The following PCDHGA1 variants were observed in gnomAD, a reference collection of about 807,000 sequenced individuals.
The protein encoded by PCDHGA1 is protocadherin gamma subfamily A, 1, also known as protocadherin gamma-A1.
Under a neutral mutation model 58.0 loss-of-function variants are expected in PCDHGA1, and 32 were observed. That is an observed-to-expected ratio of 0.55 (90% CI 0.42 to 0.74). The LOEUF (loss-of-function observed/expected upper bound fraction) is 0.74. PCDHGA1 is among the 30% of genes least tolerant of loss of function. The probability of loss-of-function intolerance (pLI) is 0.00; values close to 1 mark genes in which losing one functional copy is unlikely to be tolerated. For synonymous variants in PCDHGA1, 498 were observed against 501.1 expected, an observed-to-expected ratio of 0.99 and a Z score of 0.08; for missense variants, 1,205 against 1,182.3, an observed-to-expected ratio of 1.02 and a Z score of -0.28.
chr5:141,405,459 A>T, intron 1 of PCDHGA1: 2 of 1,229,452 alleles, frequency 1.6e-6, no homozygotes, highest in Non-Finnish European at 2.3e-6. Flanking sequence ...TTACTCTGTT[A>T]CCCAGGCTGG....
chr5:141,510,553 A>C (rs1471878583), intron 3 of PCDHGA1, among the ~76,000 whole-genome samples: 1 of 152,162 alleles, frequency 6.6e-6, no homozygotes, highest in African/African-American at 2.4e-5. Context: ...TGTTTTGAGC[A>C]CTTACATCTA....
chr5:141,433,742 C>G (rs927651405), intron 1 of PCDHGA1, among the ~76,000 whole-genome samples: 1 of 150,826 alleles, frequency 6.6e-6, no homozygotes, highest in Non-Finnish European at 1.5e-5. Flanking sequence ...GAGGCTGAGT[C>G]AGGAGAATTG....
At chr5:141,442,848 T>C (rs1210778801) in intron 1 of PCDHGA1, among the ~76,000 whole-genome samples, 2 of 152,236 alleles carry the variant, frequency 1.3e-5, no homozygotes, top group Non-Finnish European at 2.9e-5. Context: ...ATCTTGGCCA[T>C]TGTAGTATGA....
Position 141,432,076 on chromosome 5 carries a change from G to T in PCDHGA1, c.2422-62731G>T. ...CCCTATCCACGGAAACTCATATCTC[G>T]CTGAACGTGGCAGACACCAACGACA... On this transcript the variant is annotated intron_variant, in intron 1 of 3. Transcript: ENST00000517417. This position sits in a 1 kb window ranked among gnomAD's most constrained non-coding sequence, Gnocchi z 6.0. 1.2e-6 allele frequency: 2 copies of T among 1,614,160 alleles called. No homozygotes were observed. Among genetic ancestry groups the T allele is most frequent in the Non-Finnish European group, 1.7e-6 (2 of 1,180,024 alleles).
intron 1 of PCDHGA1, among the ~76,000 whole-genome samples, chr5:141,348,033 C>CA (rs1758053454): frequency 1.3e-5 from 2 of 152,316 alleles, no homozygotes; most frequent in East Asian, 3.9e-4. Flanking sequence ...TCTCTTCCAA[C>CA]AATGGAATAG....
chr5:141,352,431 A>G (rs1158793043), intron 1 of PCDHGA1: 1 of 1,613,890 alleles, frequency 6.2e-7, no homozygotes, highest in African/African-American at 1.3e-5. Context: ...GGCTGCTTTC[A>G]AACCGGTCTC....
intron 1 of PCDHGA1, chr5:141,410,428 C>A (rs376561050): frequency 5.0e-6 from 8 of 1,613,906 alleles, no homozygotes; most frequent in African/African-American, 1.3e-5. Flanking sequence ...TTCCCCCCAA[C>A]TACAGTGAGG....
chr5:141,355,498 C>T, intron 1 of PCDHGA1: 2 of 1,614,024 alleles, frequency 1.2e-6, no homozygotes, highest in Middle Eastern at 1.6e-4. Context: ...CGACAGATCT[C>T]CAAACTGTGT....
chr5:141,416,109 A>C (rs1365438751), intron 1 of PCDHGA1: 5 of 157,286 alleles, frequency 3.2e-5, no homozygotes, highest in African/African-American at 1.2e-4. Context: ...GCCTTTTTCA[A>C]ACTACATTTT....
rs757065593 is a variant in PCDHGA1, at chr5:141,418,576, C to G, written c.2422-76231C>G. 1.5e-5 allele frequency: 25 copies of G among 1,614,012 alleles called. No homozygotes were observed. In the South Asian group the frequency reaches 2.7e-4, roughly 18 times the overall value. On this transcript the variant is annotated intron_variant, in intron 1 of 3. Transcript: ENST00000517417. ...TGGTAATAGATGCCAATGACAACCCCCCAGTGTTCAGCCAGGACGTGTACA... is the reference window on the plus strand; with the variant it reads ...TGGTAATAGATGCCAATGACAACCCGCCAGTGTTCAGCCAGGACGTGTACA...
In PCDHGA1 at chr5:141,330,671, G is replaced by T. The variant is rs1432513175; in HGVS notation, c.-14G>T. The T allele has an allele frequency of 6.3e-7, 1 of 1,589,216 alleles. No homozygotes were observed. ...TGGTACTGGACTGGAAGAAAACTAC[G>T]AAGTGAGAGAGCCATGAAGATTCAG... On this transcript the variant is annotated 5_prime_UTR_variant, in exon 1 of 4. Transcript: ENST00000517417.
At chr5:141,478,339 C>A in intron 1 of PCDHGA1, 1 of 1,613,918 alleles carries the variant, frequency 6.2e-7, no homozygotes, top group Admixed American at 1.7e-5. Flanking sequence ...CAGGGCCCTC[C>A]TTGCACGCGG....
rs1373988780 is a variant in PCDHGA1, at chr5:141,404,040, G to A, written c.2421+70935G>A. 1.9e-5 allele frequency: 30 copies of A among 1,613,694 alleles called. No homozygotes were observed. The highest frequency in any genetic ancestry group is 2.3e-5 in the Non-Finnish European group (27 of 1,179,836). On this transcript the variant is annotated intron_variant, in intron 1 of 3. Transcript: ENST00000517417. Reference sequence around the variant, plus strand: ...CCAGTGAGAGAAGACGCACCTCAGGGAACAGTAATTCTTCTTTTCAATGCT... The same window carrying A: ...CCAGTGAGAGAAGACGCACCTCAGGAAACAGTAATTCTTCTTTTCAATGCT...
chr5:141,409,953 CCGG>C (rs1418234891), intron 1 of PCDHGA1: 2 of 1,613,280 alleles, frequency 1.2e-6, no homozygotes, highest in Non-Finnish European at 1.7e-6. Flanking sequence ...TCTGCAGAGC[CCGG>C]CTACCTAGTG....
intron 1 of PCDHGA1, chr5:141,383,675 C>G: frequency 6.2e-7 from 1 of 1,614,006 alleles, no homozygotes; most frequent in Non-Finnish European, 8.5e-7. Flanking sequence ...CCAGTGGGTA[C>G]AAGACTGCTC....
At chr5:141,499,212 G>A (rs904920940) in intron 2 of PCDHGA1, among the ~76,000 whole-genome samples, 1 of 151,898 alleles carries the variant, frequency 6.6e-6, no homozygotes, top group African/African-American at 2.4e-5. Context: ...TGTAACCCAG[G>A]CCCTGCCCTG....
chr5:141,346,155 G>T, intron 1 of PCDHGA1: 2 of 1,613,870 alleles, frequency 1.2e-6, no homozygotes, highest in Non-Finnish European at 1.7e-6. Flanking sequence ...CCTGGCCTTC[G>T]TCATCGTGCT....
chr5:141,398,842 C>T (rs2093712910), intron 1 of PCDHGA1: 2 of 1,613,974 alleles, frequency 1.2e-6, no homozygotes, highest in Non-Finnish European at 1.7e-6. Flanking sequence ...CAATGATAAT[C>T]CCCCGGTATT....
Position 141,476,191 on chromosome 5 carries a change from C to T in PCDHGA1, c.2422-18616C>T. The T allele has an allele frequency of 6.2e-7, 1 of 1,613,860 alleles. No homozygotes were observed. The highest frequency in any genetic ancestry group is 8.5e-7 in the Non-Finnish European group (1 of 1,180,006). ...TGGGAGTTTTGCTTCTGCTTGGTGC[C>T]TTGAACAAGGCTTCCACGGTCATTC... On this transcript the variant is annotated intron_variant, in intron 1 of 3. Transcript: ENST00000517417. This position sits in a 1 kb window ranked among gnomAD's most constrained non-coding sequence, Gnocchi z 7.6.
Sources: allele counts gnomAD v4.1 joint callset (sites outside exome capture counted in the v4.1 genomes callset), GRCh38; gene constraint gnomAD v4.1.1; non-coding constraint Gnocchi (gnomAD v3.1); transcripts MANE v1.5; gene names NCBI Gene and HGNC (gene_info 2026-07-23, HGNC 2026-07-21).